Variants in ARL15 observed in about 807,000 individuals in gnomAD.
The protein encoded by ARL15 is ADP-ribosylation factor-like protein 15.
ARL15 carries 19 observed loss-of-function variants against 25.2 expected under a neutral mutation model. The ratio of observed to expected loss-of-function variants is 0.75; its 90% confidence interval spans 0.53 to 1.10. The LOEUF (loss-of-function observed/expected upper bound fraction) is 1.10. ARL15 is among the 50% of genes least tolerant of loss of function. The pLI, the probability that ARL15 is intolerant of heterozygous loss-of-function variation, is 0.00. For synonymous variants in ARL15, 94 were observed against 86.8 expected, an observed-to-expected ratio of 1.08 and a Z score of -0.46; for missense variants, 220 against 246.0, an observed-to-expected ratio of 0.89 and a Z score of 0.71.
At chr5:53,999,677 C>T (rs941936481) in intron 4 of ARL15, among the ~76,000 whole-genome samples, 46 of 152,236 alleles carry the variant, frequency 3.0e-4, no homozygotes, top group African/African-American at 8.9e-4. Flanking sequence ...CTTTGGGAGG[C>T]CAAGGTGGGC....
chr5:54,079,366 C>A (rs1258349969), intron 4 of ARL15, among the ~76,000 whole-genome samples: 1 of 152,160 alleles, frequency 6.6e-6, no homozygotes, highest in African/African-American at 2.4e-5. Context: ...TGGATCTTAA[C>A]AGAAACAAGT....
At chr5:54,202,183 A>G (rs1755742836) in intron 1 of ARL15, among the ~76,000 whole-genome samples, 1 of 152,214 alleles carries the variant, frequency 6.6e-6, no homozygotes. Flanking sequence ...CAGAAAAATT[A>G]TATGTATTTG....
chr5:54,308,769 A>G (rs905780348), intron 1 of ARL15, among the ~76,000 whole-genome samples: 2 of 152,230 alleles, frequency 1.3e-5, no homozygotes, highest in Non-Finnish European at 2.9e-5. Context: ...TTGGCACCTC[A>G]AAGACAGCTT....
At chr5:54,293,949 C>G (rs1400614890) in intron 1 of ARL15, among the ~76,000 whole-genome samples, 1 of 152,182 alleles carries the variant, frequency 6.6e-6, no homozygotes, top group African/African-American at 2.4e-5. Flanking sequence ...CCTCAGCCTC[C>G]CAAGCAGCTG....
intron 4 of ARL15, among the ~76,000 whole-genome samples, chr5:53,944,862 CAAAATAG>C (rs1294733227): frequency 6.6e-6 from 1 of 152,032 alleles, no homozygotes. Flanking sequence ...ACCAAATAAA[CAAAATAG>C]AGAAAAGCAT....
chr5:53,955,531 G>A (rs77355163), intron 4 of ARL15, among the ~76,000 whole-genome samples: 3,364 of 152,214 alleles, frequency 0.022, 146 homozygotes, highest in African/African-American at 0.077. Flanking sequence ...GGCAGAGTAG[G>A]CACCTCCAAG....
At chr5:53,968,870 C>T (rs570274728) in intron 4 of ARL15, among the ~76,000 whole-genome samples, 4 of 151,596 alleles carry the variant, frequency 2.6e-5, no homozygotes, top group Admixed American at 2.0e-4. Context: ...TTTTAAAATA[C>T]GCAGGCTGGG....
intron 3 of ARL15, among the ~76,000 whole-genome samples, chr5:54,145,966 T>A (rs1025952603): frequency 1.3e-5 from 2 of 152,144 alleles, no homozygotes; most frequent in African/African-American, 4.8e-5. Flanking sequence ...ATCTGTCCCT[T>A]TTCGTAGACT....
intron 4 of ARL15, among the ~76,000 whole-genome samples, chr5:54,060,095 A>G (rs1579750837): frequency 7.0e-6 from 1 of 143,784 alleles, no homozygotes; most frequent in East Asian, 2.2e-4. Context: ...TGCTGTTCTC[A>G]TGATAGTGAA....
intron 2 of ARL15, among the ~76,000 whole-genome samples, chr5:54,157,803 T>C (rs1159070716): frequency 3.3e-5 from 5 of 152,214 alleles, no homozygotes; most frequent in Non-Finnish European, 7.3e-5. Context: ...AGATTTATAC[T>C]GCAAAGGTAT....
intron 1 of ARL15, among the ~76,000 whole-genome samples, chr5:54,224,429 G>A (rs1261651450): frequency 6.6e-6 from 1 of 152,198 alleles, no homozygotes; most frequent in Non-Finnish European, 1.5e-5. Flanking sequence ...GGACAGACAC[G>A]TGCAATAGGC....
chr5:54,191,317 C>T (rs1405340287), intron 1 of ARL15, among the ~76,000 whole-genome samples: 9 of 152,078 alleles, frequency 5.9e-5, no homozygotes, highest in African/African-American at 1.2e-4. Flanking sequence ...GAGGGGGATA[C>T]AGGCAGTTAT....
intron 4 of ARL15, among the ~76,000 whole-genome samples, chr5:53,917,596 C>T (rs1005332407): frequency 6.6e-6 from 1 of 152,208 alleles, no homozygotes; most frequent in South Asian, 2.1e-4. Context: ...GGGGACTACA[C>T]ATCAGAAAAT....
chr5:54,254,425 T>C (rs1370235862), intron 1 of ARL15, among the ~76,000 whole-genome samples: 3 of 152,228 alleles, frequency 2.0e-5, no homozygotes, highest in South Asian at 2.1e-4. Flanking sequence ...CTAAAACTTC[T>C]AGGGGCTCTG....
At chr5:53,938,671 T>C (rs994190450) in intron 4 of ARL15, among the ~76,000 whole-genome samples, 5 of 151,984 alleles carry the variant, frequency 3.3e-5, no homozygotes, top group Non-Finnish European at 5.9e-5. Flanking sequence ...ACTAAAAATA[T>C]AAAAATTGGC....
chr5:53,964,737 T>C (rs1322126253), intron 4 of ARL15, among the ~76,000 whole-genome samples: 1 of 152,244 alleles, frequency 6.6e-6, no homozygotes, highest in African/African-American at 2.4e-5. Flanking sequence ...TTTCGTATTC[T>C]TCTAATCTTA....
intron 1 of ARL15, among the ~76,000 whole-genome samples, chr5:54,306,180 T>A (rs1016693586): frequency 6.6e-6 from 1 of 152,198 alleles, no homozygotes; most frequent in Non-Finnish European, 1.5e-5. Flanking sequence ...TAAATATTTG[T>A]TGAATAGATA....
chr5:54,168,836 A>G (rs1754646483), intron 2 of ARL15, among the ~76,000 whole-genome samples: 1 of 152,184 alleles, frequency 6.6e-6, no homozygotes, highest in Admixed American at 6.5e-5. Context: ...TATTTACACC[A>G]TTAATATAAC....
At chr5:54,160,549 T>A (rs1451385883) in intron 2 of ARL15, among the ~76,000 whole-genome samples, 2 of 152,108 alleles carry the variant, frequency 1.3e-5, no homozygotes, top group African/African-American at 4.8e-5. Flanking sequence ...TATCAACAAA[T>A]TCCTCATACA....
Sources: gnomAD v4.1 joint callset for allele counts (sites outside exome capture counted in the v4.1 genomes callset) on GRCh38, gnomAD v4.1.1 for gene constraint, MANE v1.5 for transcripts, NCBI Gene and HGNC (gene_info 2026-07-23, HGNC 2026-07-21) for gene names.